Variants in PDE11A observed in about 807,000 individuals in gnomAD.
PDE11A encodes the protein dual 3',5'-cyclic-AMP and -GMP phosphodiesterase 11A.
PDE11A carries 100 observed loss-of-function variants against 100.5 expected under a neutral mutation model. That is an observed-to-expected ratio of 1.00 (90% CI 0.85 to 1.18). The LOEUF (loss-of-function observed/expected upper bound fraction) is 1.18. PDE11A is among the 50% of genes most tolerant of loss of function. The pLI, the probability that PDE11A is intolerant of heterozygous loss-of-function variation, is 0.00. For synonymous variants in PDE11A, 381 were observed against 420.8 expected, an observed-to-expected ratio of 0.91 and a Z score of 1.16; for missense variants, 1,141 against 1,152.6, an observed-to-expected ratio of 0.99 and a Z score of 0.15.
rs530465916 is a variant in PDE11A, at chr2:177,849,487, G to C, written c.1368-9104C>G. ...TAAGCTGATAAGCAACTTCAGCAAA[G>C]TCTCAGGATACAAAATCAATGTGCA... is the stretch of plus-strand genomic sequence containing the variant. On this transcript the variant is annotated intron_variant, in intron 5 of 19. Transcript: ENST00000286063. 2.1e-3 allele frequency among the ~76,000 whole-genome samples: 325 copies of C among 152,234 alleles called. 1 individual carries two copies. Among genetic ancestry groups the C allele is most frequent in the African/African-American group, 6.9e-3 (285 of 41,516 alleles).
At chr2:177,890,911 T>C (rs982033818) in intron 4 of PDE11A, among the ~76,000 whole-genome samples, 4 of 152,226 alleles carry the variant, frequency 2.6e-5, no homozygotes, top group African/African-American at 9.7e-5. Context: ...TTTCTCCCCT[T>C]TATTATTCAC....
chr2:178,076,892 T>C (rs896548339), upstream of PDE11A, among the ~76,000 whole-genome samples: 6 of 152,204 alleles, frequency 3.9e-5, no homozygotes, highest in African/African-American at 4.8e-5. Context: ...CAGTGCTGAC[T>C]TGTGGCTGAG....
chr2:177,830,491 C>G (rs1236498704), intron 6 of PDE11A, among the ~76,000 whole-genome samples: 2 of 151,818 alleles, frequency 1.3e-5, no homozygotes, highest in Admixed American at 1.3e-4. Context: ...ATCCCAGTTA[C>G]TCGGGAGGCT....
At chr2:177,676,551 C>T (rs2080777507) in intron 16 of PDE11A, among the ~76,000 whole-genome samples, 1 of 150,930 alleles carries the variant, frequency 6.6e-6, no homozygotes, top group African/African-American at 2.4e-5. Flanking sequence ...CACAGGAAAC[C>T]CCTCCAGGGA....
chr2:177,794,459 A>C (rs2082677001), intron 9 of PDE11A, among the ~76,000 whole-genome samples: 1 of 152,186 alleles, frequency 6.6e-6, no homozygotes, highest in South Asian at 2.1e-4. Flanking sequence ...TAAAACAAGT[A>C]AGTGTAGGCA....
At chr2:177,740,078 G>A (rs925089853) in intron 10 of PDE11A, among the ~76,000 whole-genome samples, 2 of 152,170 alleles carry the variant, frequency 1.3e-5, no homozygotes, top group Non-Finnish European at 2.9e-5. Flanking sequence ...ACTTCTCTCA[G>A]ATATTTTATT....
intron 2 of PDE11A, among the ~76,000 whole-genome samples, chr2:177,931,903 T>A (rs1158780789): frequency 2.4e-5 from 2 of 82,518 alleles, no homozygotes; most frequent in Non-Finnish European, 2.4e-5. Context: ...GACCACTAGC[T>A]AGATTAACAA....
intron 1 of PDE11A, among the ~76,000 whole-genome samples, chr2:178,022,904 T>C (rs1481067051): frequency 6.6e-6 from 1 of 152,232 alleles, no homozygotes; most frequent in African/African-American, 2.4e-5. Context: ...TTTTATGTCA[T>C]AATATTTTTT....
At chr2:177,857,270 T>C (rs1017881804) in intron 5 of PDE11A, among the ~76,000 whole-genome samples, 5 of 151,918 alleles carry the variant, frequency 3.3e-5, no homozygotes, top group African/African-American at 1.2e-4. Flanking sequence ...TTGTTTCCAG[T>C]AGACCTGTCC....
At position 177,625,655 on chromosome 2, in the gene PDE11A, A is replaced by G. The variant is rs950311090; in HGVS notation, c.*3752T>C. On this transcript the variant is annotated 3_prime_UTR_variant, in exon 20 of 20. Coordinates refer to ENST00000286063, the MANE Select transcript of PDE11A (RefSeq NM_016953.4). Reference sequence around the variant, plus strand: ...CTGGTCAGTTTGAGTTTTTACAAGAAGGCTCATATTTCAAATGTCTTTCTC... The same window carrying G: ...CTGGTCAGTTTGAGTTTTTACAAGAGGGCTCATATTTCAAATGTCTTTCTC... 6.6e-6 allele frequency: 1 copy of G among 152,254 alleles called. No homozygotes were observed. Among genetic ancestry groups the G allele is most frequent in the African/African-American group, 2.4e-5 (1 of 41,466 alleles). 9.4% of individuals were successfully genotyped at this position (152,254 alleles called of 1,614,324 possible).
At chr2:177,869,588 T>C (rs554338663) in intron 5 of PDE11A, among the ~76,000 whole-genome samples, 1 of 152,226 alleles carries the variant, frequency 6.6e-6, no homozygotes, top group African/African-American at 2.4e-5. Flanking sequence ...CAATCCAGAA[T>C]AATCTCCCTA....
intron 2 of PDE11A, among the ~76,000 whole-genome samples, chr2:178,095,602 G>A (rs2087478792): frequency 6.6e-6 from 1 of 152,194 alleles, no homozygotes; most frequent in African/African-American, 2.4e-5. Flanking sequence ...GCTCCATTAG[G>A]CAATGCCCCA....
chr2:178,041,375 C>T (rs902547183), intron 1 of PDE11A, among the ~76,000 whole-genome samples: 11 of 151,854 alleles, frequency 7.2e-5, no homozygotes, highest in Non-Finnish European at 1.3e-4. Flanking sequence ...TCCCGAGTAG[C>T]TGGGACTACA....
intron 19 of PDE11A, among the ~76,000 whole-genome samples, chr2:177,636,785 T>C (rs73977684): frequency 0.035 from 5,386 of 152,222 alleles, 310 homozygotes; most frequent in African/African-American, 0.12. Context: ...CTCCCCAAAG[T>C]TGTGACCACC....
intron 19 of PDE11A, among the ~76,000 whole-genome samples, chr2:177,640,435 G>T (rs1172003146): frequency 1.3e-5 from 2 of 152,220 alleles, no homozygotes; most frequent in African/African-American, 2.4e-5. Context: ...ACATGCAAAT[G>T]GTGGCAGGCC....
chr2:177,925,863 T>G lies in PDE11A; in HGVS notation c.1072-20676A>C, dbSNP rs544947341. 2.6e-5 allele frequency among the ~76,000 whole-genome samples: 4 copies of G among 152,330 alleles called. No individual in the cohort carries two copies. The East Asian group carries it at 5.8e-4, about 22-fold the overall frequency. On this transcript the variant is annotated intron_variant, in intron 2 of 19. Coordinates refer to ENST00000286063, the MANE Select transcript of PDE11A (RefSeq NM_016953.4). ...AAGATCAAATAAAAAAATGAAATCT[T>G]TTTTCTTCAGGACACTCGCTGGAGT...
At chr2:177,937,955 A>G (rs1352903135) in intron 2 of PDE11A, among the ~76,000 whole-genome samples, 2 of 152,250 alleles carry the variant, frequency 1.3e-5, no homozygotes, top group Admixed American at 6.5e-5. Context: ...GACATATCAT[A>G]TGAAGACAGG....
At chr2:178,055,355 G>C (rs928099092) in intron 1 of PDE11A, among the ~76,000 whole-genome samples, 6 of 151,750 alleles carry the variant, frequency 4.0e-5, no homozygotes, top group African/African-American at 4.8e-5. Context: ...CATGGGGTGG[G>C]GGGGAGGGAG....
At chr2:177,762,383 T>A (rs973307927) in intron 10 of PDE11A, among the ~76,000 whole-genome samples, 1 of 152,112 alleles carries the variant, frequency 6.6e-6, no homozygotes, top group African/African-American at 2.4e-5. Flanking sequence ...TATCAATGGA[T>A]CTAATTAGAG....
Sources: gnomAD v4.1 joint callset for allele counts (sites outside exome capture counted in the v4.1 genomes callset) on GRCh38, gnomAD v4.1.1 for gene constraint, MANE v1.5 for transcripts, NCBI Gene and HGNC (gene_info 2026-07-23, HGNC 2026-07-21) for gene names.